WFDC3: variants seen among roughly 807,000 people sequenced by gnomAD.
WFDC3 encodes WAP four-disulfide core domain 3.
In WFDC3, 15 loss-of-function variants were observed where a neutral mutation model predicts 25.8. The observed-to-expected ratio is 0.58, with a 90% CI of 0.39 to 0.89. The LOEUF (loss-of-function observed/expected upper bound fraction) is 0.89. WFDC3 is among the 40% of genes least tolerant of loss of function. The probability of loss-of-function intolerance (pLI) is 0.00; values close to 1 mark genes in which losing one functional copy is unlikely to be tolerated. For synonymous variants in WFDC3, 103 were observed against 107.1 expected (o/e 0.96, Z 0.24); for missense variants, 264 against 289.8 (o/e 0.91, Z 0.65).
rs1980104965 is a variant in WFDC3, at chr20:45,775,585, G to A, written c.511C>T (p.Pro171Ser). 1 of 1,614,100 alleles carries A rather than the reference G, an allele frequency of 6.2e-7. No individual in the cohort carries two copies. The highest frequency in any genetic ancestry group is 8.5e-7 in the Non-Finnish European group (1 of 1,180,014). The change falls in exon 6 of 7, where the codon CCA becomes TCA. Residue 171 changes from proline to serine, a missense_variant. By Grantham distance (74) the Pro-to-Ser change is moderately conservative. Transcript: ENST00000243938. ...ATGCACAGGCCCACCAGAACTTTTGGACAATCACCGCCCCGCCCTGTGGGA... is the reference window on the plus strand; with the variant it reads ...ATGCACAGGCCCACCAGAACTTTTGAACAATCACCGCCCCGCCCTGTGGGA... Reference protein sequence around the residue: ...DIEGGRGGDCPKVLVGLCIVG... With the variant: ...DIEGGRGGDCSKVLVGLCIVG...
At chr20:45,783,001 G>A (rs1208656203) in intron 4 of WFDC3, among the ~76,000 whole-genome samples, 1 of 152,056 alleles carries the variant, frequency 6.6e-6, no homozygotes, top group Non-Finnish European at 1.5e-5. Context: ...TACCTTCAAA[G>A]CACTCATGAC....
chr20:45,782,402 A>T (rs1980486772), intron 4 of WFDC3, among the ~76,000 whole-genome samples: 1 of 145,924 alleles, frequency 6.9e-6, no homozygotes, highest in Non-Finnish European at 1.5e-5. Flanking sequence ...TTTGAGATGG[A>T]GTTTCGCTCT....
intron 4 of WFDC3, 37 bp downstream of exon 4, chr20:45,787,799 C>G: frequency 6.3e-7 from 1 of 1,577,300 alleles, no homozygotes; most frequent in Non-Finnish European, 8.6e-7. Flanking sequence ...ACAAGCAGAC[C>G]AAACAGACCA....
chr20:45,789,198 T>G, intron 2 of WFDC3, 139 bp from the exon 3 acceptor site: 1 of 1,112,768 alleles, frequency 9.0e-7, no homozygotes, highest in Non-Finnish European at 1.2e-6. Flanking sequence ...AATGAGACCC[T>G]GTCTCTTAAA....
At chr20:45,785,936 C>T (rs1347612792) in intron 4 of WFDC3, among the ~76,000 whole-genome samples, 1 of 152,188 alleles carries the variant, frequency 6.6e-6, no homozygotes, top group Non-Finnish European at 1.5e-5. Context: ...TACTAGCTTT[C>T]TTTCCATTTC....
chr20:45,785,595 G>A (rs1211221645), intron 4 of WFDC3, among the ~76,000 whole-genome samples: 1 of 151,776 alleles, frequency 6.6e-6, no homozygotes, highest in Non-Finnish European at 1.5e-5. Context: ...AGTGAACGTA[G>A]TCTTGGTATT....
chr20:45,788,792 C>G, intron 3 of WFDC3, 139 bp downstream of exon 3: 1 of 1,230,202 alleles, frequency 8.1e-7, no homozygotes, highest in Non-Finnish European at 1.1e-6. Flanking sequence ...AGGAGGGACC[C>G]TAAAAGAGTA....
chr20:45,777,154 A>G lies in WFDC3; in HGVS notation c.414T>C (p.Asp138=). 6.2e-7 allele frequency: 1 copy of G among 1,607,310 alleles called. No homozygotes were observed. Among genetic ancestry groups the G allele is most frequent in the East Asian group, 2.3e-5 (1 of 44,188 alleles). ...ADPLPCEELC[D]GDASCPQGHK... is the part of the protein sequence containing the mutation. The stretch of plus-strand genomic sequence containing the variant: ...GCCCCTGGGGACAGGATGCATCCCC[A>G]TCACACAGCTCCTCACACGGAAGGG... Residue 138 remains aspartate (D), a synonymous_variant, in exon 5 of 7, where the codon GAT becomes GAC. Transcript: ENST00000243938.
intron 4 of WFDC3, among the ~76,000 whole-genome samples, chr20:45,779,544 C>G (rs1215937538): frequency 6.6e-6 from 1 of 152,108 alleles, no homozygotes; most frequent in Admixed American, 6.6e-5. Context: ...AATGTGGTCA[C>G]TGTAACCACC....
intron 4 of WFDC3, among the ~76,000 whole-genome samples, chr20:45,787,011 T>A (rs1031593121): frequency 6.7e-6 from 1 of 148,710 alleles, no homozygotes; most frequent in Non-Finnish European, 1.5e-5. Flanking sequence ...GGAGAATTGC[T>A]TGAACCTGGG....
chr20:45,780,927 T>G (rs1980412642), intron 4 of WFDC3, among the ~76,000 whole-genome samples: 1 of 152,028 alleles, frequency 6.6e-6, no homozygotes, highest in Non-Finnish European at 1.5e-5. Flanking sequence ...AGCTCTGATA[T>G]AAGGTCTCAT....
intron 4 of WFDC3, among the ~76,000 whole-genome samples, chr20:45,787,177 CT>C (rs141215025): frequency 0.65 from 87,561 of 134,182 alleles, 28,058 homozygotes; most frequent in Admixed American, 0.72. Flanking sequence ...CATCAAGATT[CT>C]TTTTTTTTTT....
intron 4 of WFDC3, among the ~76,000 whole-genome samples, chr20:45,786,804 T>A (rs74274791): frequency 6.6e-6 from 1 of 151,880 alleles, no homozygotes. Flanking sequence ...CATAAGAATC[T>A]CAGGAGCAGG....
intron 5 of WFDC3, among the ~76,000 whole-genome samples, chr20:45,776,660 A>ATATATATATATATATGTGTGTGTGTGTG (rs762240715): frequency 1.1e-5 from 1 of 93,304 alleles, no homozygotes; most frequent in Admixed American, 1.5e-4. Flanking sequence ...ATATATATAT[A>ATATATATATATATATGTGTGTGTGTGTG]TGTGTGTGTG....
intron 5 of WFDC3, 104 bp from the exon 6 acceptor site, chr20:45,775,706 T>A (rs1160497506): frequency 2.8e-6 from 4 of 1,432,762 alleles, no homozygotes; most frequent in Non-Finnish European, 3.8e-6. Flanking sequence ...AATCAACCCC[T>A]GACCCTCACT....
chr20:45,777,078 C>T lies in WFDC3; in HGVS notation c.490G>A (p.Gly164Arg). The T allele has an allele frequency of 6.2e-7, 1 of 1,612,740 alleles. No homozygotes were observed. The highest frequency in any genetic ancestry group is 8.5e-7 in the Non-Finnish European group (1 of 1,179,600). Residue 164 changes from glycine to arginine, a missense_variant, in exon 5 of 7, where the codon GGA (glycine) becomes AGA (arginine). Gly to Arg is a moderately radical substitution (Grantham distance 125). Coordinates refer to ENST00000243938, the MANE Select transcript of WFDC3 (RefSeq NM_080614.2). ...CGRTCLGDIE[G>R]GRGGDCPKVL... ...CTTCCCAAAAGAGCCAACATACCTC[C>T]CTCAATGTCTCCGAGGCAGGTGCGG... is the stretch of plus-strand genomic sequence containing the variant.
At chr20:45,790,048 G>A in intron 1 of WFDC3, 66 bp from the exon 2 acceptor site, 2 of 1,310,312 alleles carry the variant, frequency 1.5e-6, no homozygotes, top group South Asian at 1.2e-5. Flanking sequence ...TATCAGCTGA[G>A]GTATGAGCAG....
chr20:45,777,950 G>A (rs2145682591), intron 4 of WFDC3, among the ~76,000 whole-genome samples: 1 of 152,244 alleles, frequency 6.6e-6, no homozygotes, highest in South Asian at 2.1e-4. Context: ...TCTCCCTGTG[G>A]CAGACATTTA....
intron 2 of WFDC3, 55 bp downstream of exon 2, chr20:45,789,839 T>A: frequency 6.5e-7 from 1 of 1,534,182 alleles, no homozygotes. Flanking sequence ...TGAGTTCTCC[T>A]CTCCTCTAGT....
Sources: gnomAD v4.1 joint callset for allele counts (sites outside exome capture counted in the v4.1 genomes callset) on GRCh38, gnomAD v4.1.1 for gene constraint, MANE v1.5 for transcripts, NCBI Gene and HGNC (gene_info 2026-07-23, HGNC 2026-07-21) for gene names.